The following MKLN1 variants were observed in gnomAD, a reference collection of about 807,000 sequenced individuals.
MKLN1 encodes the protein muskelin 1, also known as muskelin.
A neutral mutation model predicts 99.0 loss-of-function variants in MKLN1; 18 were observed. That is an observed-to-expected ratio of 0.18 (90% CI 0.13 to 0.27). The LOEUF (loss-of-function observed/expected upper bound fraction) is 0.27, where lower values mean the gene tolerates loss of function less well. MKLN1 is among the 10% of genes least tolerant of loss of function. The pLI, the probability that MKLN1 is intolerant of heterozygous loss-of-function variation, is 1.00. For synonymous variants in MKLN1, 288 were observed against 293.2 expected, an observed-to-expected ratio of 0.98 and a Z score of 0.18; for missense variants, 621 against 875.9, an observed-to-expected ratio of 0.71 and a Z score of 3.67.
chr7:131,241,408 A>G (rs1187833855), intron 3 of MKLN1, among the ~76,000 whole-genome samples: 5 of 151,312 alleles, frequency 3.3e-5, no homozygotes, highest in Non-Finnish European at 4.4e-5. Flanking sequence ...GAAAAAAAAA[A>G]AAAGAACACC....
intron 3 of MKLN1, among the ~76,000 whole-genome samples, chr7:131,224,009 C>T (rs570339672): frequency 1.3e-5 from 2 of 152,198 alleles, no homozygotes; most frequent in Non-Finnish European, 2.9e-5. Context: ...CGTGATCTGC[C>T]CACCTTGTCC....
At chr7:131,224,270 G>A (rs1387162223) in intron 3 of MKLN1, among the ~76,000 whole-genome samples, 1 of 152,256 alleles carries the variant, frequency 6.6e-6, no homozygotes, top group East Asian at 1.9e-4. Context: ...CTGGGGCTGG[G>A]TGCGGTAGCT....
intron 3 of MKLN1, among the ~76,000 whole-genome samples, chr7:131,297,558 T>C (rs764828619): frequency 5.3e-5 from 8 of 151,630 alleles, no homozygotes; most frequent in Non-Finnish European, 1.0e-4. Context: ...TTAGTATATA[T>C]AGGGGCCTTA....
At chr7:131,242,306 CA>C (rs1797416575) in intron 3 of MKLN1, among the ~76,000 whole-genome samples, 1 of 152,138 alleles carries the variant, frequency 6.6e-6, no homozygotes, top group Admixed American at 6.5e-5. Flanking sequence ...GAGGCTAAAG[CA>C]GGAGGATCAC....
At chr7:131,459,803 C>T (rs2116592794) in intron 12 of MKLN1, among the ~76,000 whole-genome samples, 1 of 151,964 alleles carries the variant, frequency 6.6e-6, no homozygotes, top group Middle Eastern at 3.4e-3. Context: ...GCCTAGCTTG[C>T]AGTGGGCTCT....
At chr7:131,187,278 C>A (rs1796465854) in intron 2 of MKLN1, among the ~76,000 whole-genome samples, 1 of 151,844 alleles carries the variant, frequency 6.6e-6, no homozygotes, top group Admixed American at 6.6e-5. Flanking sequence ...GCACAGTCAG[C>A]CTCTTCTTGT....
chr7:131,253,804 C>A (rs986952584), intron 3 of MKLN1, among the ~76,000 whole-genome samples: 1 of 152,112 alleles, frequency 6.6e-6, no homozygotes, highest in Admixed American at 6.5e-5. Context: ...TTATAAACAA[C>A]GGAGAATTTA....
At chr7:131,347,598 G>A (rs1799601864) in intron 1 of MKLN1, among the ~76,000 whole-genome samples, 1 of 152,054 alleles carries the variant, frequency 6.6e-6, no homozygotes, top group African/African-American at 2.4e-5. Flanking sequence ...AAAAATAAAG[G>A]GCCCAAATCC....
At chr7:131,188,898 T>G (rs1485986232) in intron 2 of MKLN1, among the ~76,000 whole-genome samples, 1 of 152,170 alleles carries the variant, frequency 6.6e-6, no homozygotes, top group South Asian at 2.1e-4. Flanking sequence ...CCCACAGATA[T>G]GAATCATCAG....
chr7:131,369,930 G>T lies in MKLN1; in HGVS notation c.99-5494G>T, dbSNP rs146445869. Among the ~76,000 whole-genome samples the T allele has an allele frequency of 3.1e-3, 473 of 151,864 alleles. 1 individual carries two copies. Among genetic ancestry groups the T allele is most frequent in the African/African-American group, 0.011 (451 of 41,388 alleles). On this transcript the variant is annotated intron_variant, in intron 1 of 17. Coordinates refer to ENST00000352689, the MANE Select transcript of MKLN1 (RefSeq NM_013255.5). ...CGGCTCACTGCAACCTCTGCCTCCC[G>T]GGTTCAAGCAATTCTCCTGCCTCAG...
At chr7:131,266,949 GA>G (rs1358589390) in intron 3 of MKLN1, among the ~76,000 whole-genome samples, 1 of 151,964 alleles carries the variant, frequency 6.6e-6, no homozygotes, top group Non-Finnish European at 1.5e-5. Context: ...CCTTGAAAAT[GA>G]GGCAATAGAA....
intron 9 of MKLN1, among the ~76,000 whole-genome samples, chr7:131,435,103 A>G (rs577368944): frequency 1.3e-5 from 2 of 152,288 alleles, no homozygotes; most frequent in South Asian, 4.1e-4. Context: ...CTCTTTTTAC[A>G]TATGTATTGA....
intron 3 of MKLN1, among the ~76,000 whole-genome samples, chr7:131,274,643 C>CAAA (rs10708074): frequency 1.1e-4 from 10 of 91,616 alleles, no homozygotes; most frequent in Admixed American, 2.5e-4. Flanking sequence ...GACCCTGTCT[C>CAAA]AAAAAAAAAA....
intron 3 of MKLN1, among the ~76,000 whole-genome samples, chr7:131,275,538 T>C (rs1243656020): frequency 7.7e-5 from 1 of 12,988 alleles, no homozygotes; most frequent in Non-Finnish European, 2.1e-4. Context: ...CCAGCTGATA[T>C]ATATATATAT....
intron 1 of MKLN1, among the ~76,000 whole-genome samples, chr7:131,124,955 G>A (rs977664835): frequency 6.6e-6 from 1 of 152,172 alleles, no homozygotes; most frequent in Non-Finnish European, 1.5e-5. Context: ...GAGACACAAG[G>A]TTTTGCAGAG....
At chr7:131,224,926 A>T (rs1368036077) in intron 3 of MKLN1, among the ~76,000 whole-genome samples, 1 of 152,076 alleles carries the variant, frequency 6.6e-6, no homozygotes, top group Non-Finnish European at 1.5e-5. Context: ...ACAAAAAATT[A>T]GCTGGGCATG....
At chr7:131,158,843 G>C (rs1796006631) in intron 2 of MKLN1, among the ~76,000 whole-genome samples, 1 of 152,166 alleles carries the variant, frequency 6.6e-6, no homozygotes, top group East Asian at 1.9e-4. Context: ...AAGTGTGATG[G>C]GGTGCATTGT....
chr7:131,259,356 A>G (rs1251768349), intron 3 of MKLN1, among the ~76,000 whole-genome samples: 3 of 152,202 alleles, frequency 2.0e-5, no homozygotes, highest in East Asian at 1.9e-4. Flanking sequence ...ATAGAATAGT[A>G]TAATGGATAC....
intron 3 of MKLN1, among the ~76,000 whole-genome samples, chr7:131,265,582 T>G (rs879894033): frequency 1.3e-5 from 2 of 152,070 alleles, no homozygotes; most frequent in Non-Finnish European, 2.9e-5. Flanking sequence ...GAACACTCAA[T>G]AGAATCAAAG....
Sources: allele counts gnomAD v4.1 joint callset (sites outside exome capture counted in the v4.1 genomes callset), GRCh38; gene constraint gnomAD v4.1.1; transcripts MANE v1.5; gene names NCBI Gene and HGNC (gene_info 2026-07-23, HGNC 2026-07-21).